The following SLC7A14 variants were observed in gnomAD, a reference collection of about 807,000 sequenced individuals.
SLC7A14 encodes the protein solute carrier family 7 member 14, also known as gamma-aminobutyric acid transporter SLC7A14.
SLC7A14 carries 37 observed loss-of-function variants against 60.2 expected under a neutral mutation model. The ratio of observed to expected loss-of-function variants is 0.61; its 90% CI spans 0.47 to 0.81. The LOEUF is 0.81. SLC7A14 is among the 30% of genes least tolerant of loss of function. SLC7A14 has a pLI of 0.00. For missense variants in SLC7A14, 886 were observed against 982.7 expected (o/e 0.90, Z 1.32); for synonymous variants, 399 against 395.8 (o/e 1.01, Z -0.10).
chr3:170,551,035 T>A (rs1478979133), intron 1 of SLC7A14, among the ~76,000 whole-genome samples: 1 of 152,194 alleles, frequency 6.6e-6, no homozygotes, highest in East Asian at 1.9e-4. Context: ...CCCATACCCA[T>A]GAGCAGTTAC....
At chr3:170,510,387 C>CAAAAAA (rs200708263) in intron 2 of SLC7A14, among the ~76,000 whole-genome samples, 1 of 99,132 alleles carries the variant, frequency 1.0e-5, no homozygotes, top group African/African-American at 3.9e-5. Flanking sequence ...AAGACTCTGT[C>CAAAAAA]AAAAAAAAAA....
At chr3:170,548,325 A>G (rs968204432) in intron 1 of SLC7A14, among the ~76,000 whole-genome samples, 3 of 152,148 alleles carry the variant, frequency 2.0e-5, no homozygotes, top group Non-Finnish European at 4.4e-5. Flanking sequence ...AAATCACTGG[A>G]AGTGGAGCCT....
At chr3:170,537,330 C>G (rs906148781) in intron 1 of SLC7A14, among the ~76,000 whole-genome samples, 2 of 152,162 alleles carry the variant, frequency 1.3e-5, no homozygotes, top group Non-Finnish European at 2.9e-5. Context: ...ATCCCCTGCT[C>G]CCCTGTTCTA....
chr3:170,495,759 G>A, intron 4 of SLC7A14: 7 of 1,183,722 alleles, frequency 5.9e-6, no homozygotes, highest in African/African-American at 1.5e-5. Flanking sequence ...CTCCTTCATC[G>A]ACAAGGTACG....
chr3:170,463,442 C>A lies in SLC7A14; in HGVS notation c.*3613G>T, dbSNP rs1025448254. 6.6e-6 allele frequency: 1 copy of A among 152,196 alleles called. No homozygotes were observed. Among genetic ancestry groups the A allele is most frequent in the Non-Finnish European group, 1.5e-5 (1 of 68,048 alleles). 9.4% of individuals were successfully genotyped at this position (152,196 alleles called of 1,614,324 possible). A position where few individuals can be genotyped will look rare whatever the true frequency, so the allele number is the denominator to read the frequency against. On this transcript the variant is annotated 3_prime_UTR_variant, in exon 8 of 8. Transcript: ENST00000231706. ...AAGGCCTTCTTCATATTTGACCCCC[C>A]ACAGCACATTACAAGTCCGTCATCT...
At chr3:170,558,122 C>G (rs750598268) in intron 1 of SLC7A14, among the ~76,000 whole-genome samples, 1 of 152,168 alleles carries the variant, frequency 6.6e-6, no homozygotes, top group Non-Finnish European at 1.5e-5. Flanking sequence ...AATCCCAGCA[C>G]TTTAGGAGGC....
At chr3:170,564,039 C>A (rs1286246442) in intron 1 of SLC7A14, among the ~76,000 whole-genome samples, 2 of 152,138 alleles carry the variant, frequency 1.3e-5, no homozygotes, top group Admixed American at 1.3e-4. Flanking sequence ...TAACATTTAT[C>A]TTTTCTCCCC....
chr3:170,488,906 C>T (rs1418055825), intron 4 of SLC7A14, among the ~76,000 whole-genome samples: 1 of 152,052 alleles, frequency 6.6e-6, no homozygotes, highest in Non-Finnish European at 1.5e-5. Flanking sequence ...AGTATGTTGG[C>T]TATCTCTATA....
Position 170,498,892 on chromosome 3 carries a change from G to A in SLC7A14, c.542-8C>T. The stretch of plus-strand genomic sequence containing the variant: ...ATGATTCTTCACCTTTCCCTAGAGA[G>A]GAAAGACATGATTTGACATTGTCTG... On this transcript the variant is annotated splice_region_variant and splice_polypyrimidine_tract_variant and intron_variant, in intron 3 of 7. Transcript: ENST00000231706. The A allele has an allele frequency of 6.2e-7, 1 of 1,613,624 alleles. No homozygotes were observed. The highest frequency in any genetic ancestry group is 8.5e-7 in the Non-Finnish European group (1 of 1,179,682).
intron 2 of SLC7A14, among the ~76,000 whole-genome samples, chr3:170,517,271 T>TGATTGGGACATTTGAGACAGCTA (rs1483789916): frequency 1.3e-5 from 2 of 152,192 alleles, no homozygotes; most frequent in Non-Finnish European, 2.9e-5. Context: ...GACATATGGC[T>TGATTGGGACATTTGAGACAGCTA]GTGTATTGGG....
At position 170,466,767 on chromosome 3, in the gene SLC7A14, T is replaced by G; in HGVS notation, c.*288A>C. ...CAGCAAAGCAAAGGCCTAGGAAACA[T>G]TTGGTACCATCAGCTCTGGTGGTTG... On this transcript the variant is annotated 3_prime_UTR_variant, in exon 8 of 8. Transcript: ENST00000231706. 3.5e-6 allele frequency: 1 copy of G among 289,702 alleles called. No individual in the cohort carries two copies. The allele number at this position is 289,702 out of a possible 1,614,324, so 17.9% of individuals were successfully genotyped here.
At chr3:170,508,745 G>C (rs776452718) in intron 2 of SLC7A14, among the ~76,000 whole-genome samples, 1 of 152,172 alleles carries the variant, frequency 6.6e-6, no homozygotes, top group Non-Finnish European at 1.5e-5. Context: ...CAGCCGCAGC[G>C]GGGCTAAGGC....
At chr3:170,498,375 C>A (rs186476426) in intron 4 of SLC7A14, among the ~76,000 whole-genome samples, 1 of 152,156 alleles carries the variant, frequency 6.6e-6, no homozygotes, top group East Asian at 1.9e-4. Flanking sequence ...TGAGATAGTA[C>A]GTGCAAAGAC....
At chr3:170,531,257 G>T (rs370510317) in intron 1 of SLC7A14, among the ~76,000 whole-genome samples, 8 of 151,932 alleles carry the variant, frequency 5.3e-5, no homozygotes, top group East Asian at 3.9e-4. Flanking sequence ...TCCTTCCCTG[G>T]GCAGGTCATG....
At chr3:170,543,186 C>T (rs1714071519) in intron 1 of SLC7A14, among the ~76,000 whole-genome samples, 1 of 152,184 alleles carries the variant, frequency 6.6e-6, no homozygotes. Context: ...AGGTTGATGA[C>T]ATAAAATCCC....
chr3:170,563,900 T>C (rs1560281828), intron 1 of SLC7A14, among the ~76,000 whole-genome samples: 1 of 152,256 alleles, frequency 6.6e-6, no homozygotes, highest in Admixed American at 6.5e-5. Context: ...TGATGAACTG[T>C]GAACACACTA....
chr3:170,514,723 C>T (rs557314354), intron 2 of SLC7A14, among the ~76,000 whole-genome samples: 9 of 152,174 alleles, frequency 5.9e-5, no homozygotes, highest in Admixed American at 2.0e-4. Flanking sequence ...TTTTTGCTAG[C>T]GGCGGACTGA....
chr3:170,534,467 A>G, intron 1 of SLC7A14, among the ~76,000 whole-genome samples: 1 of 152,196 alleles, frequency 6.6e-6, no homozygotes, highest in East Asian at 1.9e-4. Context: ...CACAGGGCGA[A>G]GTTGTGCACT....
chr3:170,580,896 A>C (rs1715217182), intron 1 of SLC7A14, among the ~76,000 whole-genome samples: 1 of 152,206 alleles, frequency 6.6e-6, no homozygotes, highest in Admixed American at 6.5e-5. Flanking sequence ...GTTATAAGAG[A>C]AAAATATTTA....
Sources: allele counts gnomAD v4.1 joint callset (sites outside exome capture counted in the v4.1 genomes callset), GRCh38; gene constraint gnomAD v4.1.1; transcripts MANE v1.5; gene names NCBI Gene and HGNC (gene_info 2026-07-23, HGNC 2026-07-21).